The following SOS1 variants were observed in gnomAD, a reference collection of about 807,000 sequenced individuals.
The protein encoded by SOS1 is son of sevenless homolog 1.
A neutral mutation model predicts 157.6 loss-of-function variants in SOS1; 25 were observed. The observed-to-expected ratio is 0.16, with a 90% CI of 0.12 to 0.22. The LOEUF is 0.22. Ranked by LOEUF, SOS1 falls within the 10% of genes least tolerant of loss-of-function variation. The pLI is 1.00. For synonymous variants in SOS1, 528 were observed against 534.0 expected (o/e 0.99, Z 0.16); for missense variants, 1,237 against 1,599.1 (o/e 0.77, Z 3.86).
chr2:39,091,385 G>C (rs557243381), intron 1 of SOS1, among the ~76,000 whole-genome samples: 1 of 152,106 alleles, frequency 6.6e-6, no homozygotes, highest in Non-Finnish European at 1.5e-5. Flanking sequence ...ATAATGCAGC[G>C]TGTTCAACTT....
intron 19 of SOS1, among the ~76,000 whole-genome samples, chr2:38,996,176 G>A (rs1348373913): frequency 6.6e-6 from 1 of 151,882 alleles, no homozygotes; most frequent in Non-Finnish European, 1.5e-5. Flanking sequence ...TGTAACCTCC[G>A]CCTCCCGGGT....
chr2:39,067,708 G>A lies in SOS1; in HGVS notation c.133C>T (p.Leu45Phe). The part of the protein sequence containing the change: ...HPTLESNDDA[L>F]QYVEELILQL... ...AAAATTAATTCTTCAACATACTGAA[G>A]AGCATCATCATTAGACTCGAGAGTA... The change falls in exon 2 of 23, where the codon CTT (leucine) becomes TTT (phenylalanine). Residue 45 changes from leucine to phenylalanine, a missense_variant. Leu to Phe is a conservative substitution (Grantham distance 22, BLOSUM62 0). Transcript: ENST00000402219. 1 of 1,612,066 alleles carries A rather than the reference G, an allele frequency of 6.2e-7. No homozygotes were observed. The highest frequency in any genetic ancestry group is 8.5e-7 in the Non-Finnish European group (1 of 1,178,120).
At chr2:38,996,375 C>A (rs899737137) in intron 19 of SOS1, among the ~76,000 whole-genome samples, 1 of 152,186 alleles carries the variant, frequency 6.6e-6, no homozygotes, top group Admixed American at 6.5e-5. Context: ...CAGGCACGAG[C>A]CACCGCACCT....
chr2:38,983,870 T>C lies in SOS1; in HGVS notation c.*1954A>G, dbSNP rs1400580211. 1 of 152,120 alleles carries C rather than the reference T, an allele frequency of 6.6e-6. No homozygotes were observed. The highest frequency in any genetic ancestry group is 1.5e-5 in the Non-Finnish European group (1 of 68,014). 9.4% of individuals were successfully genotyped at this position (152,120 alleles called of 1,614,324 possible). A position where few individuals can be genotyped will look rare whatever the true frequency, so the allele number is the denominator to read the frequency against. ...CAAGAGGGGATTTGAAATTAATGTTTTAGGACGCTTTTCAAAGAGGAAATA... is the reference window on the plus strand; with the variant it reads ...CAAGAGGGGATTTGAAATTAATGTTCTAGGACGCTTTTCAAAGAGGAAATA... On this transcript the variant is annotated 3_prime_UTR_variant, in exon 23 of 23. Transcript: ENST00000402219.
intron 1 of SOS1, among the ~76,000 whole-genome samples, chr2:39,081,844 AAATT>A (rs1672211230): frequency 6.6e-6 from 1 of 152,206 alleles, no homozygotes; most frequent in African/African-American, 2.4e-5. Context: ...CATAGTTATT[AAATT>A]AATAAATATT....
At chr2:38,991,655 C>G (rs573071807) in intron 20 of SOS1, among the ~76,000 whole-genome samples, 208 of 152,320 alleles carry the variant, frequency 1.4e-3, no homozygotes, top group African/African-American at 4.6e-3. Context: ...CTTCTCTGCC[C>G]TGTCTTTGCC....
chr2:39,095,059 G>C (rs900427386), intron 1 of SOS1, among the ~76,000 whole-genome samples: 1 of 152,140 alleles, frequency 6.6e-6, no homozygotes, highest in African/African-American at 2.4e-5. Context: ...CTTCCTCTCA[G>C]CTACCATAAC....
rs776827949 is a variant in SOS1 at position 38,997,227 on chromosome 2, A to G, written c.2964+26T>C. On this transcript the variant is annotated intron_variant, in intron 18 of 22. Coordinates refer to ENST00000402219, the MANE Select transcript of SOS1 (RefSeq NM_005633.4). Reference sequence around the variant, plus strand: ...GTAGTTTAGAAACTTAATCAGAAGTATGAATCTTTAAATAATTCAACTTAC... The same window carrying G: ...GTAGTTTAGAAACTTAATCAGAAGTGTGAATCTTTAAATAATTCAACTTAC... The G allele has an allele frequency of 5.1e-6, 8 of 1,559,532 alleles. No homozygotes were observed. The Admixed American group carries it at 6.7e-5, about 13-fold the overall frequency.
intron 6 of SOS1, among the ~76,000 whole-genome samples, chr2:39,045,865 T>A (rs1018609650): frequency 6.6e-6 from 1 of 152,026 alleles, no homozygotes; most frequent in African/African-American, 2.4e-5. Flanking sequence ...CACACCACCA[T>A]GCCCAGCTAA....
chr2:39,109,979 T>C (rs1673353257), intron 1 of SOS1, among the ~76,000 whole-genome samples: 1 of 151,432 alleles, frequency 6.6e-6, no homozygotes, highest in East Asian at 1.9e-4. Flanking sequence ...ATTAGATAAA[T>C]GGAGAATGGA....
intron 1 of SOS1, among the ~76,000 whole-genome samples, chr2:39,092,622 G>A (rs72906466): frequency 0.028 from 4,234 of 152,114 alleles, 185 homozygotes; most frequent in African/African-American, 0.089. Flanking sequence ...CTCATCACCC[G>A]ATTTCTCCTG....
intron 1 of SOS1, among the ~76,000 whole-genome samples, chr2:39,094,243 T>C (rs1373790040): frequency 2.0e-5 from 3 of 152,192 alleles, no homozygotes; most frequent in Non-Finnish European, 4.4e-5. Context: ...ATGTAATGGG[T>C]TCATTATTTT....
chr2:39,090,900 A>G (rs778686796), intron 1 of SOS1, among the ~76,000 whole-genome samples: 2 of 151,996 alleles, frequency 1.3e-5, no homozygotes, highest in Non-Finnish European at 2.9e-5. Context: ...ACAGAGTCTC[A>G]TTCTGTCACC....
intron 6 of SOS1, among the ~76,000 whole-genome samples, chr2:39,037,961 C>A (rs1201757068): frequency 6.6e-6 from 1 of 152,130 alleles, no homozygotes; most frequent in East Asian, 1.9e-4. Context: ...TGCACCTAGA[C>A]ACCTAAGAGC....
Position 38,985,867 on chromosome 2 carries a change from T to G in SOS1, c.3959A>C (p.His1320Pro), listed in dbSNP as rs1404062370. 6.2e-7 allele frequency: 1 copy of G among 1,613,828 alleles called. No individual in the cohort carries two copies. Among genetic ancestry groups the G allele is most frequent in the Admixed American group, 1.7e-5 (1 of 59,984 alleles). Reference protein sequence around the residue: ...YKREHTHPSMHRDGPPLLENA... With the variant: ...YKREHTHPSMPRDGPPLLENA... ...CTCCAACAGTGGTGGTCCATCTCTG[T>G]GCATGGATGGGTGTGTGTGCTCCCT... Residue 1320 changes from histidine (H) to proline (P), a missense_variant, in exon 23 of 23, where the codon CAC (histidine) becomes CCC (proline). His to Pro is a moderately conservative substitution (Grantham distance 77). Transcript: ENST00000402219.
intron 1 of SOS1, among the ~76,000 whole-genome samples, chr2:39,117,161 T>G (rs1351382421): frequency 6.6e-6 from 1 of 151,970 alleles, no homozygotes; most frequent in Non-Finnish European, 1.5e-5. Flanking sequence ...CCCGAGTAGC[T>G]GGGATTACAG....
chr2:39,066,521 G>C (rs1408684749), intron 2 of SOS1, among the ~76,000 whole-genome samples: 1 of 152,170 alleles, frequency 6.6e-6, no homozygotes, highest in African/African-American at 2.4e-5. Context: ...TCCGAACTCA[G>C]TTTAGATGTA....
At chr2:39,033,874 AT>A (rs993595801) in intron 8 of SOS1, among the ~76,000 whole-genome samples, 52 of 152,138 alleles carry the variant, frequency 3.4e-4, no homozygotes, top group African/African-American at 1.2e-3. Flanking sequence ...CGGCCTTAAG[AT>A]TTTATATGGC....
intron 1 of SOS1, among the ~76,000 whole-genome samples, chr2:39,113,372 T>G (rs1244652651): frequency 6.6e-6 from 1 of 151,186 alleles, no homozygotes; most frequent in Non-Finnish European, 1.5e-5. Context: ...TTTTTTTTTT[T>G]TCCCTTGTAG....
Sources: gnomAD v4.1 joint callset for allele counts (sites outside exome capture counted in the v4.1 genomes callset) on GRCh38, gnomAD v4.1.1 for gene constraint, MANE v1.5 for transcripts, NCBI Gene and HGNC (gene_info 2026-07-23, HGNC 2026-07-21) for gene names.